The following TONSL variants were observed in gnomAD, a reference collection of about 807,000 sequenced individuals.
TONSL encodes the protein tonsoku-like protein.
TONSL carries 112 observed loss-of-function variants against 147.1 expected under a neutral mutation model. The ratio of observed to expected loss-of-function variants is 0.76; its 90% confidence interval spans 0.65 to 0.89. The LOEUF (loss-of-function observed/expected upper bound fraction) is 0.89. TONSL is among the 40% of genes least tolerant of loss of function. The pLI, the probability that TONSL is intolerant of heterozygous loss-of-function variation, is 0.00. For missense variants in TONSL, 1,883 were observed against 1,864.6 expected (o/e 1.01, Z -0.18); for synonymous variants, 868 against 801.5 (o/e 1.08, Z -1.40).
At chr8:144,435,334 T>C in intron 18 of TONSL, 140 bp downstream of exon 18, 1 of 1,228,612 alleles carries the variant, frequency 8.1e-7, no homozygotes. Context: ...CCAGCCCCTC[T>C]GCTATTCCTG....
chr8:144,444,128 GCCCGGGCCCGGGC>G, intron 2 of TONSL, 39 bp downstream of exon 2: 1 of 1,314,570 alleles, frequency 7.6e-7, no homozygotes, highest in Non-Finnish European at 9.6e-7. Flanking sequence ...CCCGATCCCG[GCCCGGGCCCGGGC>G]CCCGGCCCTG....
intron 13 of TONSL, chr8:144,438,229 G>T: frequency 3.5e-6 from 2 of 577,318 alleles, no homozygotes; most frequent in Non-Finnish European, 6.2e-6. Flanking sequence ...TTGAAACAGG[G>T]TCTCACTGTG....
chr8:144,441,517 G>A (rs912825899), intron 7 of TONSL: 4 of 202,866 alleles, frequency 2.0e-5, no homozygotes, highest in East Asian at 1.3e-4. Flanking sequence ...GCATGAACCC[G>A]GGAAGCGAAG....
intron 13 of TONSL, chr8:144,438,165 T>G (rs1823550695): frequency 4.6e-6 from 2 of 431,060 alleles, no homozygotes; most frequent in South Asian, 2.9e-5. Flanking sequence ...CATCCCAAAG[T>G]GCTGGGATTA....
intron 13 of TONSL, 116 bp from the exon 14 acceptor site, chr8:144,437,215 G>A (rs1340589487): frequency 1.1e-5 from 11 of 1,036,816 alleles, no homozygotes; most frequent in Non-Finnish European, 1.6e-5. Flanking sequence ...CCCAGAGCAA[G>A]TCCGTGGCCC....
In TONSL at chr8:144,436,478, T is replaced by C. The variant is rs1823463496; in HGVS notation, c.2015-60A>G. On this transcript the variant is annotated intron_variant, in intron 16 of 25. Coordinates refer to ENST00000409379, the MANE Select transcript of TONSL (RefSeq NM_013432.5). Reference sequence around the variant, plus strand: ...CCGGCACCTCCCGCTCCACCTGTGATGGAGCATCTCCCGAAATCAGGGCCC... The same window carrying C: ...CCGGCACCTCCCGCTCCACCTGTGACGGAGCATCTCCCGAAATCAGGGCCC... 5.8e-6 allele frequency: 9 copies of C among 1,561,510 alleles called. No individual in the cohort carries two copies. The South Asian group carries it at 9.3e-5, about 16-fold the overall frequency.
chr8:144,430,659 C>A, intron 24 of TONSL, 122 bp from the exon 25 acceptor site: 1 of 1,238,694 alleles, frequency 8.1e-7, no homozygotes, highest in Non-Finnish European at 1.1e-6. Context: ...GGGGCTCTGC[C>A]TCAGCCTGGC....
intron 2 of TONSL, 22 bp downstream of exon 2, chr8:144,444,158 G>C (rs1437761439): frequency 1.4e-6 from 2 of 1,411,250 alleles, no homozygotes; most frequent in Non-Finnish European, 1.8e-6. Flanking sequence ...CCTGCCTCCC[G>C]CCTCCTGGTC....
intron 23 of TONSL, 39 bp downstream of exon 23, chr8:144,432,246 T>G: frequency 6.2e-7 from 1 of 1,605,130 alleles, no homozygotes; most frequent in Non-Finnish European, 8.5e-7. Flanking sequence ...CTTTGGCCTC[T>G]GAGGCTCAGT....
At chr8:144,431,240 C>G in intron 23 of TONSL, 89 bp from the exon 24 acceptor site, 1 of 1,228,466 alleles carries the variant, frequency 8.1e-7, no homozygotes, top group Non-Finnish European at 1.2e-6. Context: ...CCCAGGGGCC[C>G]AGAAGGGAGC....
At chr8:144,432,184 G>T in intron 23 of TONSL, 101 bp downstream of exon 23, 1 of 1,304,992 alleles carries the variant, frequency 7.7e-7, no homozygotes, top group Non-Finnish European at 1.1e-6. Flanking sequence ...GCCCCTCAGC[G>T]AGTTCAGCCC....
At position 144,431,510 on chromosome 8, in the gene TONSL, TTTTC is replaced by T. The variant is rs1433622222; in HGVS notation, c.3736-363_3736-360del. ...TACAAAAGCATTCCCCCAGCTGTTT[TTTTC>T]TTTTTTTGTTTTTTTTTTGAGACAG... On this transcript the variant is annotated intron_variant, in intron 23 of 25. Transcript: ENST00000409379. Among the ~76,000 whole-genome samples, 203 of 152,112 alleles carry T rather than the reference TTTTC, an allele frequency of 1.3e-3. 2 individuals carry two copies. Among genetic ancestry groups the T allele is most frequent in the African/African-American group, 4.6e-3 (192 of 41,516 alleles).
Position 144,442,061 on chromosome 8 carries a change from C to T in TONSL, c.841G>A (p.Ala281Thr). 1 of 1,612,866 alleles carries T rather than the reference C, an allele frequency of 6.2e-7. No homozygotes were observed. Among genetic ancestry groups the T allele is most frequent in the Non-Finnish European group, 8.5e-7 (1 of 1,179,954 alleles). ...LGSQKPVQRA[A>T]ICQNLQHVLA... ...CCATGCTGGAGGTTCTGACAGATGG[C>T]TGCCCTCTGCACAGGCTTCTGGGAG... The change falls in exon 7 of 26, where the codon GCC (alanine) becomes ACC (threonine). Residue 281 changes from alanine (A) to threonine (T), a missense_variant. Physicochemically the swap from Ala to Thr is moderately conservative, Grantham distance 58 (BLOSUM62 0). Coordinates refer to ENST00000409379, the MANE Select transcript of TONSL (RefSeq NM_013432.5).
At chr8:144,443,111 G>A in intron 4 of TONSL, 27 bp downstream of exon 4, 5 of 1,541,656 alleles carry the variant, frequency 3.2e-6, no homozygotes, top group Non-Finnish European at 4.4e-6. Flanking sequence ...AGTTCAGGAG[G>A]CAGAAAACGC....
intron 20 of TONSL, 42 bp downstream of exon 20, chr8:144,434,769 T>A (rs763559850): frequency 3.1e-6 from 5 of 1,600,404 alleles, no homozygotes; most frequent in Admixed American, 1.7e-5. Context: ...CCAACCCCCT[T>A]GTACGACCTC....
intron 11 of TONSL, among the ~76,000 whole-genome samples, chr8:144,439,233 G>C (rs114061802): frequency 6.6e-6 from 1 of 152,044 alleles, no homozygotes; most frequent in Non-Finnish European, 1.5e-5. Context: ...TCCCTGCTTC[G>C]GGTGACCCCT....
At chr8:144,433,812 C>A in intron 21 of TONSL, 53 bp from the exon 22 acceptor site, 1 of 1,518,794 alleles carries the variant, frequency 6.6e-7, no homozygotes, top group South Asian at 1.3e-5. Flanking sequence ...CGGACAGGGT[C>A]CCCCTTGGGG....
chr8:144,430,559 T>C (rs1823145493), intron 24 of TONSL, 22 bp from the exon 25 acceptor site: 1 of 1,593,548 alleles, frequency 6.3e-7, no homozygotes, highest in African/African-American at 1.3e-5. Flanking sequence ...TGGGAAGAAG[T>C]GCAAAGGTTG....
At chr8:144,435,273 C>T in intron 18 of TONSL, 103 bp from the exon 19 acceptor site, 1 of 1,408,926 alleles carries the variant, frequency 7.1e-7, no homozygotes, top group Non-Finnish European at 9.3e-7. Flanking sequence ...TCAGCTGCTT[C>T]TCCCATTCCC....
Sources: allele counts gnomAD v4.1 joint callset (sites outside exome capture counted in the v4.1 genomes callset), GRCh38; gene constraint gnomAD v4.1.1; transcripts MANE v1.5; gene names NCBI Gene and HGNC (gene_info 2026-07-23, HGNC 2026-07-21).